TP53BP1: variants seen among roughly 807,000 people sequenced by gnomAD.
The protein encoded by TP53BP1 is TP53-binding protein 1.
A neutral mutation model predicts 200.8 loss-of-function variants in TP53BP1; 61 were observed. The observed-to-expected ratio is 0.30, with a 90% CI of 0.25 to 0.38. The LOEUF (loss-of-function observed/expected upper bound fraction) is 0.38. Among genes scored for constraint, TP53BP1 ranks in the 10% least tolerant of loss-of-function variants. The pLI, the probability that TP53BP1 is intolerant of heterozygous loss-of-function variation, is 1.00. For missense variants in TP53BP1, 2,144 were observed against 2,371.9 expected, an observed-to-expected ratio of 0.90 and a Z score of 2.00; for synonymous variants, 822 against 844.3, an observed-to-expected ratio of 0.97 and a Z score of 0.46.
intron 18 of TP53BP1, among the ~76,000 whole-genome samples, chr15:43,424,505 T>C (rs2045479883): frequency 6.6e-6 from 1 of 152,234 alleles, no homozygotes; most frequent in African/African-American, 2.4e-5. Context: ...CACAGAATAG[T>C]TGTTAAGAAT....
Position 43,477,666 on chromosome 15 carries a change from C to A in TP53BP1, c.882G>T (p.Leu294=). The A allele has an allele frequency of 6.2e-7, 1 of 1,613,896 alleles. No individual in the cohort carries two copies. ...CAGGCTCTGGTGACTTCTGAATCTG[C>A]AGTCCACTTTCCATAAGTTCTTGTG... ...LSAQELMESG[L]QIQKSPEPEV... Residue 294 remains leucine (L), a synonymous_variant, in exon 8 of 28, where the codon CTG becomes CTT. Coordinates refer to ENST00000382044, the MANE Select transcript of TP53BP1 (RefSeq NM_001141980.3).
At chr15:43,433,551 A>C (rs568847548) in intron 16 of TP53BP1, among the ~76,000 whole-genome samples, 2 of 152,362 alleles carry the variant, frequency 1.3e-5, no homozygotes, top group East Asian at 3.8e-4. Context: ...ATAGATGCTT[A>C]ATACATGTAC....
chr15:43,433,380 C>A (rs1314114488), intron 16 of TP53BP1, among the ~76,000 whole-genome samples: 1 of 152,148 alleles, frequency 6.6e-6, no homozygotes, highest in African/African-American at 2.4e-5. Context: ...CTCCTACAAA[C>A]CACATACCAC....
chr15:43,482,892 T>C (rs2078994258), intron 4 of TP53BP1, among the ~76,000 whole-genome samples: 1 of 152,144 alleles, frequency 6.6e-6, no homozygotes, highest in African/African-American at 2.4e-5. Flanking sequence ...ACTGCCCCAC[T>C]GCACTCCAGC....
intron 4 of TP53BP1, among the ~76,000 whole-genome samples, chr15:43,482,704 G>A (rs756585891): frequency 5.3e-5 from 8 of 151,992 alleles, no homozygotes; most frequent in Non-Finnish European, 1.2e-4. Context: ...GGAATCGGAG[G>A]TTGCAGTGAG....
At chr15:43,415,429 G>A (rs1026001966) in intron 23 of TP53BP1, 165 bp downstream of exon 23, 1 of 743,556 alleles carries the variant, frequency 1.3e-6, no homozygotes, top group African/African-American at 1.7e-5. Flanking sequence ...GGGGAGGAGG[G>A]ATACAGTGAG....
intron 21 of TP53BP1, chr15:43,417,233 ACT>A (rs2045287000): frequency 6.6e-6 from 1 of 152,212 alleles, no homozygotes; most frequent in Admixed American, 6.5e-5. Flanking sequence ...ACAAGGCATT[ACT>A]ATGAATATTT....
chr15:43,418,613 T>C (rs915702831), intron 21 of TP53BP1, among the ~76,000 whole-genome samples: 1 of 151,922 alleles, frequency 6.6e-6, no homozygotes, highest in Admixed American at 6.5e-5. Context: ...TCAACACAAA[T>C]AGGTATCTTC....
At chr15:43,432,741 G>A in intron 16 of TP53BP1, 64 bp from the exon 17 acceptor site, 2 of 1,518,412 alleles carry the variant, frequency 1.3e-6, no homozygotes, top group Non-Finnish European at 1.8e-6. Flanking sequence ...ACGTGTGTGT[G>A]TGCGTGTGCA....
At chr15:43,468,490 T>C (rs963782003) in intron 11 of TP53BP1, among the ~76,000 whole-genome samples, 5 of 147,260 alleles carry the variant, frequency 3.4e-5, no homozygotes, top group Non-Finnish European at 7.4e-5. Context: ...AAGGCTGCAG[T>C]GAGCCATGGT....
chr15:43,412,081 A>G (rs1488025677), intron 24 of TP53BP1, among the ~76,000 whole-genome samples: 1 of 152,166 alleles, frequency 6.6e-6, no homozygotes, highest in African/African-American at 2.4e-5. Flanking sequence ...TAGGTGTTGC[A>G]AACACTGGAC....
intron 24 of TP53BP1, 82 bp downstream of exon 24, chr15:43,413,037 A>C: frequency 7.3e-7 from 1 of 1,375,502 alleles, no homozygotes; most frequent in Non-Finnish European, 1.0e-6. Flanking sequence ...TACATACAAC[A>C]GGGGGACCAC....
chr15:43,456,137 C>T lies in TP53BP1; in HGVS notation c.2471G>A (p.Gly824Glu). Reference protein sequence around the residue: ...SVEYEGDLKSGTAETEPVEQD... With the variant: ...SVEYEGDLKSETAETEPVEQD... ...CTCTACAGGTTCTGTTTCTGCAGTC[C>T]CTGATTTCAGATCTCCTTCATATTC... is the stretch of plus-strand genomic sequence containing the variant. The change falls in exon 12 of 28, where the codon GGG becomes GAG. Residue 824 changes from glycine (G) to glutamate (E), a missense_variant. Gly to Glu is a moderately conservative substitution (Grantham distance 98). This residue lies in a region of TP53BP1 where 1,700 missense variants were observed against 1,710.3 expected (regional missense o/e 0.99). Transcript: ENST00000382044. The T allele has an allele frequency of 6.2e-7, 1 of 1,614,144 alleles. No individual in the cohort carries two copies. The highest frequency in any genetic ancestry group is 8.5e-7 in the Non-Finnish European group (1 of 1,180,026).
chr15:43,451,172 ACTTTTTTT>A (rs1005736171), intron 12 of TP53BP1, among the ~76,000 whole-genome samples: 1 of 151,354 alleles, frequency 6.6e-6, no homozygotes, highest in African/African-American at 2.4e-5. Flanking sequence ...AAGAACCATT[ACTTTTTTT>A]CTTTTTTTTT....
At chr15:43,434,670 C>T (rs1415875504) in intron 16 of TP53BP1, among the ~76,000 whole-genome samples, 1 of 152,204 alleles carries the variant, frequency 6.6e-6, no homozygotes, top group Non-Finnish European at 1.5e-5. Flanking sequence ...AGCAGGCCCT[C>T]ACCAGACACC....
At position 43,405,425 on chromosome 15, in the gene TP53BP1, A is replaced by G; in HGVS notation, c.*1958T>C. 1.7e-6 allele frequency: 1 copy of G among 605,674 alleles called. No homozygotes were observed. The highest frequency in any genetic ancestry group is 2.9e-6 in the Non-Finnish European group (1 of 340,410). 37.5% of individuals were successfully genotyped at this position (605,674 alleles called of 1,614,324 possible). On this transcript the variant is annotated 3_prime_UTR_variant, in exon 28 of 28. Transcript: ENST00000382044. ...AAGGGTCTCTCCCATCAAGGAGAACATGTGGCATCTCTGATCCTTTACATT... is the reference window on the plus strand; with the variant it reads ...AAGGGTCTCTCCCATCAAGGAGAACGTGTGGCATCTCTGATCCTTTACATT...
chr15:43,458,947 C>T (rs1251947965), intron 11 of TP53BP1, among the ~76,000 whole-genome samples: 1 of 152,066 alleles, frequency 6.6e-6, no homozygotes, highest in African/African-American at 2.4e-5. Flanking sequence ...ACTATATAAC[C>T]TAGGCATTCT....
At position 43,428,106 on chromosome 15, in the gene TP53BP1, T is replaced by C. The variant is rs754817024; in HGVS notation, c.3738A>G (p.Arg1246=). ...CAAGTGTGCGTACTTCCCGGATTGT[T>C]CTCATGTGACGATGTAAGACATGGC... ...PHGHVLHRHM[R]TIREVRTLVT... is the part of the protein sequence containing the mutation. The change falls in exon 18 of 28, where the codon AGA becomes AGG. Residue 1246 remains arginine (R), a synonymous_variant. Transcript: ENST00000382044. 1.2e-6 allele frequency: 2 copies of C among 1,613,562 alleles called. No homozygotes were observed. Among genetic ancestry groups the C allele is most frequent in the Non-Finnish European group, 1.7e-6 (2 of 1,179,478 alleles).
chr15:43,480,965 C>T lies in TP53BP1; in HGVS notation c.429G>A (p.Glu143=). ...CCTTCTCTTTCTCCTTCTGTTCCAA[C>T]TCTTCTCCCTTCTCTTCCTCCACAG... ...APAVEEEKGE[E]LEQKEKEKEE... is the part of the protein sequence containing the mutation. The change falls in exon 5 of 28, where the codon GAG becomes GAA. Residue 143 remains glutamate, a synonymous_variant. Transcript: ENST00000382044. 1.2e-6 allele frequency: 2 copies of T among 1,614,056 alleles called. No homozygotes were observed. The highest frequency in any genetic ancestry group is 1.7e-6 in the Non-Finnish European group (2 of 1,179,946).
Sources: allele counts gnomAD v4.1 joint callset (sites outside exome capture counted in the v4.1 genomes callset), GRCh38; gene constraint gnomAD v4.1.1; regional missense constraint gnomAD v4.1.1; transcripts MANE v1.5; gene names NCBI Gene and HGNC (gene_info 2026-07-23, HGNC 2026-07-21).